SZT2: variants seen among roughly 807,000 people sequenced by gnomAD.
SZT2 encodes the protein SZT2 subunit of KICSTOR complex.
A neutral mutation model predicts 404.2 loss-of-function variants in SZT2; 216 were observed. That is an observed-to-expected ratio of 0.53 (90% CI 0.48 to 0.60). The LOEUF is 0.60. Ranked by LOEUF, SZT2 falls within the 20% of genes least tolerant of loss-of-function variation. The pLI is 0.00. For missense variants in SZT2, 3,857 were observed against 4,459.2 expected (o/e 0.86, Z 3.85); for synonymous variants, 1,693 against 1,749.9 (o/e 0.97, Z 0.81).
rs1654097314 is a variant in SZT2, at chr1:43,433,114, C to T, written c.5728C>T (p.Pro1910Ser). 6.2e-7 allele frequency: 1 copy of T among 1,614,070 alleles called. No individual in the cohort carries two copies. Among genetic ancestry groups the T allele is most frequent in the Non-Finnish European group, 8.5e-7 (1 of 1,180,046 alleles). ...APPQPSLSGL[P>S]GPCLPDFWLI... is the part of the protein sequence containing the mutation. ...TCCACAGCCTTCACTCTCAGGCCTCCCTGGGCCCTGCCTGCCTGACTTCTG... is the reference window on the plus strand; with the variant it reads ...TCCACAGCCTTCACTCTCAGGCCTCTCTGGGCCCTGCCTGCCTGACTTCTG... The change falls in exon 40 of 72, where the codon CCT (proline) becomes TCT (serine). Residue 1910 changes from proline (P) to serine (S), a missense_variant. Physicochemically the swap from Pro to Ser is moderately conservative, Grantham distance 74. Coordinates refer to ENST00000634258, the MANE Select transcript of SZT2 (RefSeq NM_001365999.1).
chr1:43,447,611 C>T lies in SZT2; in HGVS notation c.9353C>T (p.Ala3118Val). ...HQLYNYVADH[A>V]SSYHMKPLRM... ...CTATACAACTACGTGGCTGATCACG[C>T]CAGCTCTTACCACATGAAGCCATTG... The change falls in exon 67 of 72, where the codon GCC becomes GTC. Residue 3118 changes from alanine to valine, a missense_variant. Physicochemically the swap from Ala to Val is moderately conservative, Grantham distance 64. Transcript: ENST00000634258. The T allele has an allele frequency of 6.2e-7, 1 of 1,614,222 alleles. No individual in the cohort carries two copies. The highest frequency in any genetic ancestry group is 1.1e-5 in the South Asian group (1 of 91,084).
At chr1:43,429,946 G>A (rs1341243075) in intron 29 of SZT2, 65 bp from the exon 30 acceptor site, 2 of 1,612,342 alleles carry the variant, frequency 1.2e-6, no homozygotes, top group African/African-American at 2.7e-5. Context: ...CCTGCTCTAG[G>A]GTAGGGAGTA....
In SZT2 at chr1:43,453,616, C is replaced by G; in HGVS notation, c.*3136C>G. 6.6e-6 allele frequency: 10 copies of G among 1,504,550 alleles called. No homozygotes were observed. The highest frequency in any genetic ancestry group is 8.8e-6 in the Non-Finnish European group (10 of 1,131,426). The allele number at this position is 1,504,550 out of a possible 1,614,324, so 93.2% of individuals were successfully genotyped here. On this transcript the variant is annotated 3_prime_UTR_variant, in exon 72 of 72. Transcript: ENST00000634258. ...GCACCCGGGGGCGTGTTGATCAGTA[C>G]AAGCCGCAGCCCCGCTTCTCGCGCG... is the stretch of plus-strand genomic sequence containing the variant.
chr1:43,390,046 T>C, intron 1 of SZT2, 51 bp downstream of exon 1: 1 of 1,359,308 alleles, frequency 7.4e-7, no homozygotes, highest in Non-Finnish European at 9.4e-7. Flanking sequence ...AGGGGGAGGG[T>C]CCGGCGGGCA....
In SZT2 at chr1:43,433,187, C is replaced by G. The variant is rs1245148074; in HGVS notation, c.5801C>G (p.Ala1934Gly). ...GACCGTGTGGAAGTGTATGCACATG[C>G]ACGGTAAGTAGAAGCCAGGGCCTGC... is the stretch of plus-strand genomic sequence containing the variant. ...LQDRVEVYAH[A>G]RSLIREDGGP... Residue 1934 changes from alanine (A) to glycine (G), a missense_variant, in exon 40 of 72, where the codon GCA (alanine) becomes GGA (glycine). Coordinates refer to ENST00000634258, the MANE Select transcript of SZT2 (RefSeq NM_001365999.1). 6.2e-7 allele frequency: 1 copy of G among 1,613,268 alleles called. No individual in the cohort carries two copies.
At position 43,453,881 on chromosome 1, in the gene SZT2, C is replaced by T. The variant is rs569654303; in HGVS notation, c.*3401C>T. ...GGCGGCGGGCGGGGGCGGGGCTCTC[C>T]TTGCTGGCCCTGCGAACGAACGAGC... On this transcript the variant is annotated 3_prime_UTR_variant, in exon 72 of 72. Transcript: ENST00000634258. 1,513 of 1,222,228 alleles carry T rather than the reference C, an allele frequency of 1.2e-3. 16 individuals are homozygous for T. The African/African-American group carries it at 0.022, about 18-fold the overall frequency. The allele number at this position is 1,222,228 out of a possible 1,614,324, so 75.7% of individuals were successfully genotyped here.
At chr1:43,409,375 G>A (rs1441144707) in intron 4 of SZT2, 1 of 280,322 alleles carries the variant, frequency 3.6e-6, no homozygotes, top group East Asian at 1.0e-4. Flanking sequence ...AGGGGGATAA[G>A]GAGAGGATTT....
In SZT2 at chr1:43,426,257, G is replaced by T; in HGVS notation, c.3043+106G>T. On this transcript the variant is annotated intron_variant, in intron 21 of 71. Transcript: ENST00000634258. The surrounding 1 kb of genome is among the most constrained non-coding windows in gnomAD (Gnocchi z 4.9). ...GTCAGCAAGTGAGCAGATGAGTGGT[G>T]GGGGCAGGAGGAGCCCATGAGGCTG... The T allele has an allele frequency of 6.7e-7, 1 of 1,489,592 alleles. No individual in the cohort carries two copies. The allele number at this position is 1,489,592 out of a possible 1,614,324, so 92.3% of individuals were successfully genotyped here.
Position 43,427,724 on chromosome 1 carries a change from C to T in SZT2, c.3793C>T (p.Leu1265Phe). ...GMQPPQAPRD[L>F]IFRTQFLDHP... ...GCAGCCCCCTCAGGCGCCCCGAGAC[C>T]TCATCTTCCGGTGAGTGCCTTCAGT... Residue 1265 changes from leucine to phenylalanine, a missense_variant, in exon 26 of 72, where the codon CTC (leucine) becomes TTC (phenylalanine). Physicochemically the swap from Leu to Phe is conservative, Grantham distance 22 (BLOSUM62 0). Transcript: ENST00000634258. The T allele has an allele frequency of 6.2e-7, 1 of 1,613,410 alleles. No individual in the cohort carries two copies. Among genetic ancestry groups the T allele is most frequent in the East Asian group, 2.2e-5 (1 of 44,882 alleles).
chr1:43,414,212 G>A (rs1376211417), intron 4 of SZT2, among the ~76,000 whole-genome samples: 7 of 152,056 alleles, frequency 4.6e-5, no homozygotes, highest in South Asian at 2.1e-4. Flanking sequence ...CCCGGGAGGC[G>A]GAGGTTGCAG....
intron 1 of SZT2, among the ~76,000 whole-genome samples, chr1:43,391,838 TTGGGAGGCCGAGGCGGGCGG>T (rs1458736746): frequency 0.49 from 40,317 of 82,914 alleles, 12,296 homozygotes; most frequent in Middle Eastern, 0.56. Context: ...TCCCAGCACT[TTGGGAGGCCGAGGCGGGCGG>T]ATCACGAGGT....
chr1:43,427,643 C>G lies in SZT2; in HGVS notation c.3712C>G (p.Pro1238Ala), dbSNP rs1653334160. ...ESADGPRTRC[P>A]VYIYSCSLEA... ...TGCGGATGGGCCCCGGACCCGGTGT[C>G]CTGTCTACATCTACAGCTGTTCACT... The change falls in exon 26 of 72, where the codon CCT becomes GCT. Residue 1238 changes from proline to alanine, a missense_variant. By Grantham distance (27) the Pro-to-Ala change is conservative. Coordinates refer to ENST00000634258, the MANE Select transcript of SZT2 (RefSeq NM_001365999.1). 6.2e-7 allele frequency: 1 copy of G among 1,614,088 alleles called. No individual in the cohort carries two copies. Among genetic ancestry groups the G allele is most frequent in the African/African-American group, 1.3e-5 (1 of 74,944 alleles).
chr1:43,440,657 T>C (rs764696224), intron 52 of SZT2, 71 bp downstream of exon 52: 5 of 1,469,672 alleles, frequency 3.4e-6, no homozygotes, highest in Non-Finnish European at 4.5e-6. Flanking sequence ...CACTCCCTCC[T>C]GCTTCCCAGT....
chr1:43,420,215 T>C lies in SZT2; in HGVS notation c.1153T>C (p.Leu385=), dbSNP rs1185616516. 4.4e-6 allele frequency: 7 copies of C among 1,598,316 alleles called. No homozygotes were observed. The highest frequency in any genetic ancestry group is 5.9e-6 in the Non-Finnish European group (7 of 1,179,810). The part of the protein sequence containing the change: ...VSASSNPALA[L]RRKKHTEKEV... ...TGCAAGCAGCAACCCTGCCCTGGCC[T>C]TGCGCCGGAAGAAGCACACTGAGAA... Residue 385 remains leucine, a synonymous_variant, in exon 9 of 72, where the codon TTG becomes CTG. Transcript: ENST00000634258. This position sits in a 1 kb window ranked among gnomAD's most constrained non-coding sequence, Gnocchi z 5.1.
chr1:43,437,148 A>G lies in SZT2; in HGVS notation c.6035-23A>G, dbSNP rs993851992. 3 of 1,612,938 alleles carry G rather than the reference A, an allele frequency of 1.9e-6. No homozygotes were observed. In the African/African-American group the frequency reaches 4.0e-5, roughly 22 times the overall value. On this transcript the variant is annotated intron_variant, in intron 42 of 71. Transcript: ENST00000634258. The surrounding 1 kb of genome is among the most constrained non-coding windows in gnomAD (Gnocchi z 5.3). ...GCAGAGGGTGGTGTGTCCCATTTCTAATCCCTGCTCCCCCTCACCCAGATT... is the reference window on the plus strand; with the variant it reads ...GCAGAGGGTGGTGTGTCCCATTTCTGATCCCTGCTCCCCCTCACCCAGATT...
chr1:43,429,575 C>A, intron 28 of SZT2, 128 bp from the exon 29 acceptor site: 2 of 1,133,136 alleles, frequency 1.8e-6, no homozygotes, highest in Non-Finnish European at 2.6e-6. Flanking sequence ...TTTTACCACC[C>A]ATGCCATTAC....
intron 30 of SZT2, 89 bp from the exon 31 acceptor site, chr1:43,430,222 G>C: frequency 6.4e-7 from 1 of 1,558,546 alleles, no homozygotes; most frequent in Non-Finnish European, 8.8e-7. Flanking sequence ...AGATCAAGCT[G>C]TCTAAGGCAA....
In SZT2 at chr1:43,442,879, C is replaced by A. The variant is rs749217751; in HGVS notation, c.8212C>A (p.Pro2738Thr). Reference sequence around the variant, plus strand: ...GGAGACCCTCATCCGGAGTGCAAGTCCCCCGCTGAGCCGTGAGCAGGGCCG... The same window carrying A: ...GGAGACCCTCATCCGGAGTGCAAGTACCCCGCTGAGCCGTGAGCAGGGCCG... ...EVETLIRSAS[P>T]PLSREQGRLS... The change falls in exon 59 of 72, where the codon CCC (proline) becomes ACC (threonine). Residue 2738 changes from proline (P) to threonine (T), a missense_variant. Physicochemically the swap from Pro to Thr is conservative, Grantham distance 38. Transcript: ENST00000634258. This position sits in a 1 kb window ranked among gnomAD's most constrained non-coding sequence, Gnocchi z 4.5. 1.9e-6 allele frequency: 3 copies of A among 1,613,640 alleles called. No individual in the cohort carries two copies. Among genetic ancestry groups the A allele is most frequent in the Middle Eastern group, 1.7e-4 (1 of 6,060 alleles).
chr1:43,449,122 G>A (rs1656062611), intron 70 of SZT2: 2 of 209,622 alleles, frequency 9.5e-6, no homozygotes, highest in Non-Finnish European at 1.9e-5. Flanking sequence ...CTGAAATGCA[G>A]GCTCTCCGGC....
Sources: allele counts gnomAD v4.1 joint callset (sites outside exome capture counted in the v4.1 genomes callset), GRCh38; gene constraint gnomAD v4.1.1; non-coding constraint Gnocchi (gnomAD v3.1); transcripts MANE v1.5; gene names NCBI Gene and HGNC (gene_info 2026-07-23, HGNC 2026-07-21).